Variants in NFIB observed in about 807,000 individuals in gnomAD.
NFIB encodes the protein nuclear factor I B.
A neutral mutation model predicts 61.5 loss-of-function variants in NFIB; 11 were observed. The observed-to-expected ratio is 0.18, with a 90% CI of 0.11 to 0.30. The LOEUF (loss-of-function observed/expected upper bound fraction) is 0.30, where lower values mean the gene tolerates loss of function less well. Ranked by LOEUF, NFIB falls within the 10% of genes least tolerant of loss-of-function variation. The pLI is 1.00. For synonymous variants in NFIB, 260 were observed against 216.5 expected (o/e 1.20, Z -1.76); for missense variants, 471 against 608.9 (o/e 0.77, Z 2.38).
chr9:14,281,575 G>C (rs1416192265), intron 2 of NFIB, among the ~76,000 whole-genome samples: 3 of 152,204 alleles, frequency 2.0e-5, no homozygotes, highest in Non-Finnish European at 2.9e-5. Flanking sequence ...TTGCTGCTAA[G>C]TTAGAAACAT....
At chr9:14,398,607 C>G (rs1442586243) in exon 1 of NFIB, 4 of 1,532,680 alleles carry the variant, frequency 2.6e-6, no homozygotes, top group Admixed American at 2.0e-5. Flanking sequence ...ACCCAGAAGT[C>G]CACAGACACT....
chr9:14,290,441 C>G (rs1016535415), intron 2 of NFIB, among the ~76,000 whole-genome samples: 1 of 151,976 alleles, frequency 6.6e-6, no homozygotes, highest in Admixed American at 6.6e-5. Context: ...AAGCACTTCA[C>G]AAGTATTTTC....
chr9:14,519,538 G>T, the NFIB span, among the ~76,000 whole-genome samples: 1 of 152,084 alleles, frequency 6.6e-6, no homozygotes. Flanking sequence ...GGGGTTGGGA[G>T]GCAGGGGTTG....
At chr9:14,393,045 C>A (rs552023489) in intron 1 of NFIB, among the ~76,000 whole-genome samples, 63 of 152,358 alleles carry the variant, frequency 4.1e-4, no homozygotes, top group African/African-American at 1.4e-3. Flanking sequence ...TCATTACCAT[C>A]ATTTTTCCAG....
chr9:14,129,795 G>A (rs2040179158), intron 6 of NFIB, among the ~76,000 whole-genome samples: 1 of 152,080 alleles, frequency 6.6e-6, no homozygotes, highest in African/African-American at 2.4e-5. Context: ...GTTGAATAAT[G>A]CATAAATATA....
intron 2 of NFIB, among the ~76,000 whole-genome samples, chr9:14,288,611 C>A (rs1376937078): frequency 2.6e-5 from 4 of 152,084 alleles, no homozygotes; most frequent in African/African-American, 9.7e-5. Flanking sequence ...CTCTCCGTGA[C>A]CTTTCCATTG....
At chr9:14,140,097 A>G (rs2041514912) in intron 6 of NFIB, among the ~76,000 whole-genome samples, 1 of 152,196 alleles carries the variant, frequency 6.6e-6, no homozygotes, top group Admixed American at 6.5e-5. Context: ...AAACTTTGGT[A>G]TTTGAATATT....
At chr9:14,411,717 A>G in the NFIB span, among the ~76,000 whole-genome samples, 1 of 152,130 alleles carries the variant, frequency 6.6e-6, no homozygotes. Flanking sequence ...TCTCCATGAC[A>G]GTCCCCAATA....
intron 6 of NFIB, among the ~76,000 whole-genome samples, chr9:14,127,687 A>G (rs1467180636): frequency 6.6e-6 from 1 of 152,232 alleles, no homozygotes; most frequent in Non-Finnish European, 1.5e-5. Flanking sequence ...GAAACTAATT[A>G]TCATTACATT....
chr9:14,157,433 G>C (rs1173668831), intron 3 of NFIB, among the ~76,000 whole-genome samples: 1 of 152,152 alleles, frequency 6.6e-6, no homozygotes, highest in Non-Finnish European at 1.5e-5. Flanking sequence ...CAGAATGAAA[G>C]AAGGAGTGAG....
At chr9:14,216,530 C>G (rs1402150740) in intron 2 of NFIB, among the ~76,000 whole-genome samples, 62 of 54,604 alleles carry the variant, frequency 1.1e-3, no homozygotes, top group East Asian at 3.3e-3. Flanking sequence ...CTCTCTCTCT[C>G]TCTCTCTCTC....
the NFIB span, among the ~76,000 whole-genome samples, chr9:14,473,099 T>A: frequency 9.2e-5 from 14 of 152,210 alleles, no homozygotes; most frequent in African/African-American, 3.4e-4. Context: ...GGGGGTTTTA[T>A]AGTTCTAGAG....
intron 1 of NFIB, among the ~76,000 whole-genome samples, chr9:14,393,334 T>G (rs1203624234): frequency 6.6e-6 from 1 of 152,170 alleles, no homozygotes; most frequent in Admixed American, 6.5e-5. Flanking sequence ...CCACAATATC[T>G]CCATGTCTGG....
At chr9:14,380,036 C>A (rs2061469332) in intron 1 of NFIB, among the ~76,000 whole-genome samples, 1 of 151,972 alleles carries the variant, frequency 6.6e-6, no homozygotes, top group African/African-American at 2.4e-5. Flanking sequence ...CCTTTGGGAA[C>A]AGGATATAGG....
At chr9:14,384,667 A>G (rs2061528758) in intron 1 of NFIB, among the ~76,000 whole-genome samples, 1 of 152,164 alleles carries the variant, frequency 6.6e-6, no homozygotes, top group Admixed American at 6.5e-5. Context: ...CTTCTGGTTG[A>G]TGATATGATC....
intron 3 of NFIB, among the ~76,000 whole-genome samples, chr9:14,172,736 C>T (rs927141363): frequency 1.3e-5 from 2 of 151,996 alleles, no homozygotes; most frequent in African/African-American, 2.4e-5. Flanking sequence ...GGTATGTCAT[C>T]TTAAGCCTTT....
intron 5 of NFIB, 106 bp from the exon 6 acceptor site, chr9:14,146,913 A>C: frequency 3.5e-6 from 5 of 1,424,318 alleles, no homozygotes; most frequent in Non-Finnish European, 3.8e-6. Flanking sequence ...TTTCATAAGC[A>C]CAAGTAATAA....
chr9:14,251,788 C>T (rs1049549824), intron 2 of NFIB, among the ~76,000 whole-genome samples: 2 of 152,210 alleles, frequency 1.3e-5, no homozygotes, highest in African/African-American at 4.8e-5. Flanking sequence ...ATTACACAGG[C>T]GTGCTGCACA....
At chr9:14,484,344 G>T in the NFIB span, among the ~76,000 whole-genome samples, 1 of 152,136 alleles carries the variant, frequency 6.6e-6, no homozygotes. Context: ...TTAACTCTTT[G>T]CTTTGGATTC....
Sources: gnomAD v4.1 joint callset for allele counts (sites outside exome capture counted in the v4.1 genomes callset) on GRCh38, gnomAD v4.1.1 for gene constraint, MANE v1.5 for transcripts, NCBI Gene and HGNC (gene_info 2026-07-23, HGNC 2026-07-21) for gene names.